Variants in TBC1D16 observed in about 807,000 individuals in gnomAD.
TBC1D16 encodes CTD-2529O21.1.
In TBC1D16, 58 loss-of-function variants were observed where a neutral mutation model predicts 74.7. The observed-to-expected ratio is 0.78, with a 90% confidence interval of 0.63 to 0.97. The LOEUF (loss-of-function observed/expected upper bound fraction) is 0.97, where lower values mean the gene tolerates loss of function less well. TBC1D16 is among the 50% of genes least tolerant of loss of function. TBC1D16 has a pLI of 0.00. For missense variants in TBC1D16, 1,014 were observed against 1,079.5 expected, an observed-to-expected ratio of 0.94 and a Z score of 0.85; for synonymous variants, 493 against 474.7, an observed-to-expected ratio of 1.04 and a Z score of -0.50.
In TBC1D16 at chr17:79,950,311, G is replaced by T. The variant is rs2032941758; in HGVS notation, c.1257+100C>A. The T allele has an allele frequency of 7.3e-7, 1 of 1,371,828 alleles. No individual in the cohort carries two copies. Among genetic ancestry groups the T allele is most frequent in the Non-Finnish European group, 9.6e-7 (1 of 1,036,316 alleles). 85.0% of individuals were successfully genotyped at this position (1,371,828 alleles called of 1,614,324 possible). On this transcript the variant is annotated intron_variant, in intron 6 of 11. Coordinates refer to ENST00000310924, the MANE Select transcript of TBC1D16 (RefSeq NM_019020.4). The surrounding 1 kb of genome is among the most constrained non-coding windows in gnomAD (Gnocchi z 4.6). ...GCCCTCACGAGGAGGTGGCCCGTGG[G>T]TGCGGGCGGGCGGCCAGGCCCCGGC...
At position 79,985,097 on chromosome 17, in the gene TBC1D16, C is replaced by T. The variant is rs1022465718; in HGVS notation, c.779+25063G>A. On this transcript the variant is annotated intron_variant, in intron 3 of 11. Transcript: ENST00000310924. This position sits in a 1 kb window ranked among gnomAD's most constrained non-coding sequence, Gnocchi z 4.9. ...AGGTGCTAGTCGGGCCGCGCCCCCTCTGAAGGCTCCAGGCAAGAGTCTTTC... is the reference window on the plus strand; with the variant it reads ...AGGTGCTAGTCGGGCCGCGCCCCCTTTGAAGGCTCCAGGCAAGAGTCTTTC... 2.0e-5 allele frequency among the ~76,000 whole-genome samples: 3 copies of T among 152,182 alleles called. No homozygotes were observed. The highest frequency in any genetic ancestry group is 1.9e-4 in the East Asian group (1 of 5,190).
intron 2 of TBC1D16, among the ~76,000 whole-genome samples, chr17:80,011,156 C>G (rs1379916816): frequency 1.3e-5 from 2 of 152,074 alleles, no homozygotes; most frequent in Non-Finnish European, 2.9e-5. Flanking sequence ...ATCCTCCCAC[C>G]TCAGCTCCCG....
At position 80,009,246 on chromosome 17, in the gene TBC1D16, G is replaced by C. The variant is rs2035789273; in HGVS notation, c.779+914C>G. ...GATGTCGGCTCTTACTGTTGTCTGT[G>C]GTCACCACCATTATTTGCCCAGAAA... On this transcript the variant is annotated intron_variant, in intron 3 of 11. Transcript: ENST00000310924. This position sits in a 1 kb window ranked among gnomAD's most constrained non-coding sequence, Gnocchi z 5.4. 6.6e-6 allele frequency among the ~76,000 whole-genome samples: 1 copy of C among 152,178 alleles called. No homozygotes were observed. Among genetic ancestry groups the C allele is most frequent in the Non-Finnish European group, 1.5e-5 (1 of 68,042 alleles).
At chr17:80,004,979 G>T (rs72848425) in intron 3 of TBC1D16, among the ~76,000 whole-genome samples, 1,653 of 152,332 alleles carry the variant, frequency 0.011, 13 homozygotes, top group Non-Finnish European at 0.018. Flanking sequence ...GGCCACTTTG[G>T]CCTTTCTATC....
intron 1 of TBC1D16, among the ~76,000 whole-genome samples, chr17:80,030,022 T>G (rs2036720518): frequency 6.6e-6 from 1 of 152,150 alleles, no homozygotes; most frequent in African/African-American, 2.4e-5. Flanking sequence ...ACCCTGACTC[T>G]CCTGCCTGAT....
chr17:79,947,695 T>C lies in TBC1D16; in HGVS notation c.1678A>G (p.Asn560Asp). ...TFWCFVGLMQ[N>D]TIFVSSPRDE... ...CGGGGTGAGCTGACGAAGATCGTGT[T>C]CTGCATCAAACCCACAAAGCACCAG... The change falls in exon 9 of 12, where the codon AAC becomes GAC. Residue 560 changes from asparagine to aspartate, a missense_variant. Transcript: ENST00000310924. 6.2e-7 allele frequency: 1 copy of C among 1,614,124 alleles called. No homozygotes were observed. The highest frequency in any genetic ancestry group is 1.1e-5 in the South Asian group (1 of 91,084).
chr17:79,948,876 T>G lies in TBC1D16; in HGVS notation c.1537A>C (p.Met513Leu). The G allele has an allele frequency of 6.2e-7, 1 of 1,614,120 alleles. No homozygotes were observed. The stretch of plus-strand genomic sequence containing the variant: ...AGCTGGCTGGGGAGGGAGTACCTCA[T>G]GCTCTCCACATTGGGATTGTCTTCC... ...RGEDNPNVES[M>L]RRILLNYAVY... The change falls in exon 8 of 12, where the codon ATG becomes CTG. Residue 513 changes from methionine to leucine, a missense_variant. By Grantham distance (15) the Met-to-Leu change is conservative (BLOSUM62 2). Coordinates refer to ENST00000310924, the MANE Select transcript of TBC1D16 (RefSeq NM_019020.4).
chr17:79,999,145 A>G (rs1219054157), intron 3 of TBC1D16, among the ~76,000 whole-genome samples: 1 of 151,824 alleles, frequency 6.6e-6, no homozygotes, highest in East Asian at 1.9e-4. Flanking sequence ...AGTCCCAGCT[A>G]CTCGGGAGGC....
At chr17:80,027,695 C>T (rs952904457) in intron 1 of TBC1D16, among the ~76,000 whole-genome samples, 4 of 151,610 alleles carry the variant, frequency 2.6e-5, no homozygotes, top group African/African-American at 9.7e-5. Flanking sequence ...AGTTTGAGAC[C>T]AGCCTGGCCA....
At chr17:79,966,183 G>C (rs987292380) in intron 3 of TBC1D16, among the ~76,000 whole-genome samples, 1 of 152,068 alleles carries the variant, frequency 6.6e-6, no homozygotes, top group Admixed American at 6.6e-5. Flanking sequence ...TCATCACGTG[G>C]CCTTCTTCCC....
rs1280191788 is a variant in TBC1D16, at chr17:79,941,643, G to A, written c.2055+417C>T. Among the ~76,000 whole-genome samples, 1 of 152,152 alleles carries A rather than the reference G, an allele frequency of 6.6e-6. No homozygotes were observed. Among genetic ancestry groups the A allele is most frequent in the Non-Finnish European group, 1.5e-5 (1 of 67,996 alleles). On this transcript the variant is annotated intron_variant, in intron 11 of 11. Transcript: ENST00000310924. The surrounding 1 kb of genome is among the most constrained non-coding windows in gnomAD (Gnocchi z 4.3). ...AGGCGTCTGGGAAGTGGGGGAGGGG[G>A]CCAAAGCCCAAGGTCCCCAGTATTC... is the stretch of plus-strand genomic sequence containing the variant.
intron 3 of TBC1D16, among the ~76,000 whole-genome samples, chr17:79,984,422 C>T (rs1401268134): frequency 1.3e-5 from 2 of 152,058 alleles, no homozygotes; most frequent in Non-Finnish European, 2.9e-5. Flanking sequence ...AAAGTAAACA[C>T]AAGGCTGAAG....
At position 79,983,482 on chromosome 17, in the gene TBC1D16, A is replaced by G. The variant is rs536006583; in HGVS notation, c.779+26678T>C. Reference sequence around the variant, plus strand: ...AACAGGAGTGTGGACAACCTGGGGAACAGCCATGGAGACAGTGTCCCCCTA... The same window carrying G: ...AACAGGAGTGTGGACAACCTGGGGAGCAGCCATGGAGACAGTGTCCCCCTA... On this transcript the variant is annotated intron_variant, in intron 3 of 11. Transcript: ENST00000310924. This position sits in a 1 kb window ranked among gnomAD's most constrained non-coding sequence, Gnocchi z 5.6. Among the ~76,000 whole-genome samples the G allele has an allele frequency of 1.3e-4, 20 of 152,334 alleles. No homozygotes were observed. The highest frequency in any genetic ancestry group is 2.5e-4 in the Non-Finnish European group (17 of 68,022).
rs1324951989 is a variant in TBC1D16, at chr17:79,954,003, C to T, written c.780-1185G>A. ...CAGGCTAGTCTTGACCTCCTGACCT[C>T]AGGTGATCCACCCGCCTCAGCCTCC... On this transcript the variant is annotated intron_variant, in intron 3 of 11. Transcript: ENST00000310924. The surrounding 1 kb of genome is among the most constrained non-coding windows in gnomAD (Gnocchi z 5.5). 6.6e-6 allele frequency among the ~76,000 whole-genome samples: 1 copy of T among 152,188 alleles called. No homozygotes were observed. Among genetic ancestry groups the T allele is most frequent in the East Asian group, 1.9e-4 (1 of 5,188 alleles).
chr17:79,949,660 A>C, intron 7 of TBC1D16, 57 bp downstream of exon 7: 1 of 1,569,386 alleles, frequency 6.4e-7, no homozygotes, highest in Non-Finnish European at 8.7e-7. Flanking sequence ...TTGCCTTTTC[A>C]AATGACATTT....
rs1478361999 is a variant in TBC1D16 at position 79,954,036 on chromosome 17, T to C, written c.780-1218A>G. 2.6e-5 allele frequency among the ~76,000 whole-genome samples: 4 copies of C among 152,126 alleles called. No homozygotes were observed. Among genetic ancestry groups the C allele is most frequent in the Admixed American group, 1.3e-4 (2 of 15,270 alleles). ...CCACCCGCCTCAGCCTCCAAAAGTG[T>C]TGGGATTACAGGCGTGAGCCATCGC... On this transcript the variant is annotated intron_variant, in intron 3 of 11. Coordinates refer to ENST00000310924, the MANE Select transcript of TBC1D16 (RefSeq NM_019020.4). The surrounding 1 kb of genome is among the most constrained non-coding windows in gnomAD (Gnocchi z 5.5).
chr17:79,966,180 G>A (rs1238325689), intron 3 of TBC1D16, among the ~76,000 whole-genome samples: 2 of 152,076 alleles, frequency 1.3e-5, no homozygotes, highest in African/African-American at 2.4e-5. Context: ...CCATCATCAC[G>A]TGGCCTTCTT....
chr17:79,943,841 G>C, intron 10 of TBC1D16: 1 of 1,372,632 alleles, frequency 7.3e-7, no homozygotes, highest in Non-Finnish European at 9.4e-7. Flanking sequence ...AAAGGAATGA[G>C]GGCGGCAAAT....
chr17:79,960,779 C>CAAAAAAAAAAAAAAAA (rs746450905), intron 3 of TBC1D16, among the ~76,000 whole-genome samples: 2,479 of 33,762 alleles, frequency 0.073, 648 homozygotes, highest in Non-Finnish European at 0.091. Context: ...AACAAAAACC[C>CAAAAAAAAAAAAAAAA]AAAAAAAAAA....
Sources: allele counts gnomAD v4.1 joint callset (sites outside exome capture counted in the v4.1 genomes callset), GRCh38; gene constraint gnomAD v4.1.1; non-coding constraint Gnocchi (gnomAD v3.1); transcripts MANE v1.5; gene names NCBI Gene and HGNC (gene_info 2026-07-23, HGNC 2026-07-21).